The following FGF14 variants were observed in gnomAD, a reference collection of about 807,000 sequenced individuals.
FGF14 encodes fibroblast growth factor 14, also known as fibroblast growth factor homologous factor 4.
FGF14 carries 5 observed loss-of-function variants against 25.5 expected under a neutral mutation model. The observed-to-expected ratio is 0.20, with a 90% CI of 0.10 to 0.41. FGF14 has a LOEUF of 0.41. FGF14 is among the 10% of genes least tolerant of loss of function. The pLI is 1.00. For missense variants in FGF14, 222 were observed against 320.1 expected (o/e 0.69, Z 2.34); for synonymous variants, 138 against 118.3 (o/e 1.17, Z -1.08).
chr13:102,023,165 C>T (rs1210085212), intron 1 of FGF14, among the ~76,000 whole-genome samples: 1 of 151,864 alleles, frequency 6.6e-6, no homozygotes, highest in African/African-American at 2.4e-5. Flanking sequence ...AAGAATGTTA[C>T]AGTTTAACCC....
intron 3 of FGF14, among the ~76,000 whole-genome samples, chr13:101,855,764 C>G (rs1314012571): frequency 6.6e-6 from 1 of 151,790 alleles, no homozygotes. Flanking sequence ...GCTCAGAGAA[C>G]CAGAGTGTAA....
chr13:102,011,533 C>G (rs923758366), intron 1 of FGF14, among the ~76,000 whole-genome samples: 11 of 151,494 alleles, frequency 7.3e-5, no homozygotes, highest in African/African-American at 2.4e-4. Flanking sequence ...GAGAGCAGCT[C>G]AGACAAACCC....
In FGF14 at chr13:102,140,340, T is replaced by C. The variant is rs1041698024; in HGVS notation, c.208+261131A>G. Among the ~76,000 whole-genome samples the C allele has an allele frequency of 5.3e-5, 8 of 152,148 alleles. No individual in the cohort carries two copies. In the South Asian group the frequency reaches 1.7e-3, roughly 32 times the overall value. On this transcript the variant is annotated intron_variant, in intron 1 of 4. Transcript: ENST00000376131. ...GCTATTATATTTAACCAAAACAGAC[T>C]CAGTGCTTTCTGTGTACTAGGCACA...
At chr13:101,804,791 T>C (rs2041106165) in intron 3 of FGF14, among the ~76,000 whole-genome samples, 1 of 152,176 alleles carries the variant, frequency 6.6e-6, no homozygotes, top group African/African-American at 2.4e-5. Context: ...TCTTTTGTTT[T>C]ACTTGACAGT....
rs538995267 is a variant in FGF14, at chr13:102,007,423, T to C, written c.209-132127A>G. On this transcript the variant is annotated intron_variant, in intron 1 of 4. Transcript: ENST00000376131. ...AATCAAAAGCCATGAATGCATTGCA[T>C]TTATTGTATAGATGTGGGAAATAGG... is the stretch of plus-strand genomic sequence containing the variant. 2.6e-5 allele frequency among the ~76,000 whole-genome samples: 4 copies of C among 152,360 alleles called. No individual in the cohort carries two copies. In the East Asian group the frequency reaches 7.7e-4, roughly 29 times the overall value.
Position 101,722,756 on chromosome 13 carries a change from G to T in FGF14, c.*75C>A. On this transcript the variant is annotated 3_prime_UTR_variant, in exon 5 of 5. Transcript: ENST00000376143. The stretch of plus-strand genomic sequence containing the variant: ...CTTCCTGCTGCTCTTCAGCCACGGA[G>T]CAGGAATGTCTGGTGAGGATAAATC... 1 of 1,594,464 alleles carries T rather than the reference G, an allele frequency of 6.3e-7. No individual in the cohort carries two copies. The highest frequency in any genetic ancestry group is 8.6e-7 in the Non-Finnish European group (1 of 1,163,222).
intron 3 of FGF14, among the ~76,000 whole-genome samples, chr13:101,730,750 A>G (rs370706137): frequency 1.9e-4 from 29 of 152,336 alleles, no homozygotes; most frequent in East Asian, 1.4e-3. Flanking sequence ...AGCACGGGCC[A>G]CAAACTCAAA....
chr13:101,970,674 A>C (rs2139537179), intron 1 of FGF14, among the ~76,000 whole-genome samples: 1 of 152,312 alleles, frequency 6.6e-6, no homozygotes, highest in East Asian at 1.9e-4. Flanking sequence ...CATTTGCTCT[A>C]AACGCCTTCC....
chr13:101,744,607 TTCTC>T (rs922406207), intron 3 of FGF14, among the ~76,000 whole-genome samples: 1 of 152,092 alleles, frequency 6.6e-6, no homozygotes, highest in African/African-American at 2.4e-5. Flanking sequence ...TTAAAAAATG[TTCTC>T]TCTGAGCATC....
intron 1 of FGF14, among the ~76,000 whole-genome samples, chr13:101,968,071 A>T (rs2037329019): frequency 6.6e-6 from 1 of 152,210 alleles, no homozygotes; most frequent in Non-Finnish European, 1.5e-5. Flanking sequence ...TCTTCATTTT[A>T]TTAGCATGAC....
At chr13:101,892,359 A>G (rs1234294196) in intron 1 of FGF14, among the ~76,000 whole-genome samples, 1 of 152,170 alleles carries the variant, frequency 6.6e-6, no homozygotes, top group Non-Finnish European at 1.5e-5. Flanking sequence ...CTTATTGTTT[A>G]CCATTTAGCC....
At chr13:102,127,701 T>G (rs931561834) in intron 1 of FGF14, among the ~76,000 whole-genome samples, 1 of 152,222 alleles carries the variant, frequency 6.6e-6, no homozygotes, top group East Asian at 1.9e-4. Context: ...GATCCTAGAT[T>G]CCTTCTAGGA....
chr13:102,157,425 T>C (rs1376135615), intron 1 of FGF14, among the ~76,000 whole-genome samples: 2 of 152,184 alleles, frequency 1.3e-5, no homozygotes, highest in South Asian at 2.1e-4. Flanking sequence ...CCCTATTTAA[T>C]AAATGGTGCT....
At chr13:102,141,204 C>A (rs958859861) in intron 1 of FGF14, among the ~76,000 whole-genome samples, 7 of 152,296 alleles carry the variant, frequency 4.6e-5, no homozygotes, top group Admixed American at 2.0e-4. Context: ...CTGGCCCAAT[C>A]AACTTTGGTC....
chr13:101,907,768 G>A (rs968734108), intron 1 of FGF14, among the ~76,000 whole-genome samples: 3 of 152,084 alleles, frequency 2.0e-5, no homozygotes, highest in Non-Finnish European at 2.9e-5. Context: ...TTTAAATACT[G>A]TTAAGGATAA....
At position 101,714,589 on chromosome 13, in the gene FGF14, G is replaced by C; in HGVS notation, c.*8242C>G. 4 of 1,195,788 alleles carry C rather than the reference G, an allele frequency of 3.3e-6. No individual in the cohort carries two copies. The highest frequency in any genetic ancestry group is 5.0e-6 in the Non-Finnish European group (4 of 798,990). 74.1% of individuals were successfully genotyped at this position (1,195,788 alleles called of 1,614,324 possible). On this transcript the variant is annotated 3_prime_UTR_variant, in exon 5 of 5. Coordinates refer to ENST00000376143, the MANE Select transcript of FGF14 (RefSeq NM_004115.4). ...CCTTTTCTAATTGCTCTATGCCACA[G>C]TTTGTTATAGAGCCAAGAGACACTC...
At chr13:102,156,676 G>C (rs1260304890) in intron 1 of FGF14, among the ~76,000 whole-genome samples, 1 of 152,164 alleles carries the variant, frequency 6.6e-6, no homozygotes, top group East Asian at 1.9e-4. Flanking sequence ...TTAGGCAGGA[G>C]AAGGAAATAA....
upstream of FGF14, among the ~76,000 whole-genome samples, chr13:101,917,353 A>G (rs1796142887): frequency 6.6e-6 from 1 of 152,150 alleles, no homozygotes; most frequent in African/African-American, 2.4e-5. Flanking sequence ...AAGAAACAAA[A>G]CGTATAGGTA....
chr13:102,278,485 CAG>C (rs1461065905), intron 1 of FGF14, among the ~76,000 whole-genome samples: 7 of 152,274 alleles, frequency 4.6e-5, no homozygotes, highest in Admixed American at 3.9e-4. Flanking sequence ...GTAGATGAAA[CAG>C]GGGTGATTGA....
Sources: gnomAD v4.1 joint callset for allele counts (sites outside exome capture counted in the v4.1 genomes callset) on GRCh38, gnomAD v4.1.1 for gene constraint, MANE v1.5 for transcripts, NCBI Gene and HGNC (gene_info 2026-07-23, HGNC 2026-07-21) for gene names.